GALNTL6: variants seen among roughly 807,000 people sequenced by gnomAD.
GALNTL6 encodes polypeptide N-acetylgalactosaminyltransferase-like 6.
GALNTL6 carries 46 observed loss-of-function variants against 73.7 expected under a neutral mutation model. The observed-to-expected ratio is 0.62, with a 90% CI of 0.49 to 0.80. The LOEUF (loss-of-function observed/expected upper bound fraction) is 0.80. Among genes scored for constraint, GALNTL6 ranks in the 30% least tolerant of loss-of-function variants. The probability of loss-of-function intolerance (pLI) is 0.00; values close to 1 mark genes in which losing one functional copy is unlikely to be tolerated. For missense variants in GALNTL6, 604 were observed against 755.0 expected (o/e 0.80, Z 2.34); for synonymous variants, 259 against 263.7 (o/e 0.98, Z 0.17).
chr4:172,255,664 C>T (rs945993506), intron 3 of GALNTL6, among the ~76,000 whole-genome samples: 3 of 151,442 alleles, frequency 2.0e-5, no homozygotes, highest in African/African-American at 2.4e-5. Context: ...ATAGTGACTA[C>T]GTTGAAAATA....
chr4:172,351,181 G>GTCTGTCTGTCTATCTATCTA (rs139731159), intron 5 of GALNTL6, among the ~76,000 whole-genome samples: 3 of 122,518 alleles, frequency 2.4e-5, no homozygotes, highest in Non-Finnish European at 3.5e-5. Flanking sequence ...ACAATAATCT[G>GTCTGTCTGTCTATCTATCTA]TCTATCTATC....
intron 2 of GALNTL6, among the ~76,000 whole-genome samples, chr4:171,949,042 G>A (rs1738788739): frequency 6.6e-6 from 1 of 151,942 alleles, no homozygotes; most frequent in Non-Finnish European, 1.5e-5. Context: ...TATTCAGAGT[G>A]CGTCCAAAAA....
chr4:172,056,603 C>G (rs1012750449), intron 2 of GALNTL6, among the ~76,000 whole-genome samples: 17 of 152,110 alleles, frequency 1.1e-4, no homozygotes, highest in Middle Eastern at 3.6e-3. Flanking sequence ...TCTTGTGAAA[C>G]TGCTAAAATT....
chr4:172,358,685 A>G (rs1307812623), intron 5 of GALNTL6, among the ~76,000 whole-genome samples: 1 of 152,170 alleles, frequency 6.6e-6, no homozygotes, highest in Non-Finnish European at 1.5e-5. Flanking sequence ...TTACCTTTTA[A>G]CCATGAATAA....
intron 2 of GALNTL6, among the ~76,000 whole-genome samples, chr4:172,036,891 C>G (rs540415844): frequency 6.6e-6 from 1 of 152,262 alleles, no homozygotes; most frequent in Non-Finnish European, 1.5e-5. Context: ...TCTGTCAGCA[C>G]TGAAAGTTAC....
At chr4:173,018,120 A>C (rs1752855923) in intron 11 of GALNTL6, among the ~76,000 whole-genome samples, 1 of 152,196 alleles carries the variant, frequency 6.6e-6, no homozygotes, top group Non-Finnish European at 1.5e-5. Context: ...AATCAAGACC[A>C]CTTGTTCCTG....
At chr4:172,369,370 T>C (rs1742696723) in intron 5 of GALNTL6, among the ~76,000 whole-genome samples, 1 of 152,174 alleles carries the variant, frequency 6.6e-6, no homozygotes, top group African/African-American at 2.4e-5. Flanking sequence ...TAGCTAGACA[T>C]AAAAGTTCTC....
chr4:172,101,742 C>G (rs1275041670), intron 2 of GALNTL6, among the ~76,000 whole-genome samples: 3 of 151,894 alleles, frequency 2.0e-5, no homozygotes, highest in African/African-American at 7.2e-5. Context: ...TTTATTTTAA[C>G]TTATTTTACT....
intron 7 of GALNTL6, among the ~76,000 whole-genome samples, chr4:172,845,944 G>C (rs1015540147): frequency 6.6e-6 from 1 of 152,128 alleles, no homozygotes; most frequent in African/African-American, 2.4e-5. Context: ...ATAAATATAA[G>C]TTCTATCCTA....
intron 2 of GALNTL6, among the ~76,000 whole-genome samples, chr4:172,132,697 G>C (rs527296362): frequency 6.6e-6 from 1 of 152,086 alleles, no homozygotes; most frequent in Non-Finnish European, 1.5e-5. Flanking sequence ...ATATTCTTTA[G>C]ATGAATCATA....
intron 5 of GALNTL6, chr4:172,668,395 A>G (rs1215248444): frequency 6.6e-6 from 1 of 152,208 alleles, no homozygotes; most frequent in Non-Finnish European, 1.5e-5. Flanking sequence ...AACACTGAGG[A>G]GAGAAGCCAC....
chr4:172,897,137 C>T (rs547841504), intron 8 of GALNTL6, among the ~76,000 whole-genome samples: 19 of 152,230 alleles, frequency 1.2e-4, no homozygotes, highest in Non-Finnish European at 2.4e-4. Flanking sequence ...GGGGTGAAAG[C>T]TGAGACTGAG....
intron 2 of GALNTL6, among the ~76,000 whole-genome samples, chr4:171,844,454 T>A (rs116726937): frequency 7.9e-5 from 12 of 152,194 alleles, no homozygotes; most frequent in Admixed American, 1.3e-4. Context: ...AATTTCTGTG[T>A]AGATTGTAAA....
chr4:172,057,367 A>T (rs893987226), intron 2 of GALNTL6, among the ~76,000 whole-genome samples: 1 of 151,740 alleles, frequency 6.6e-6, no homozygotes, highest in Non-Finnish European at 1.5e-5. Context: ...AATATTTAGA[A>T]GGCGAGACTA....
intron 2 of GALNTL6, among the ~76,000 whole-genome samples, chr4:172,132,675 T>G (rs1023800682): frequency 6.6e-6 from 1 of 152,206 alleles, no homozygotes; most frequent in Non-Finnish European, 1.5e-5. Context: ...GTGTTTTTAC[T>G]AGATATAAGC....
At chr4:171,867,819 C>CT (rs1034170927) in intron 2 of GALNTL6, among the ~76,000 whole-genome samples, 1 of 152,160 alleles carries the variant, frequency 6.6e-6, no homozygotes, top group African/African-American at 2.4e-5. Flanking sequence ...GCTTACCTCT[C>CT]TAACAGCTCA....
At chr4:172,356,954 A>G (rs1742182144) in intron 5 of GALNTL6, among the ~76,000 whole-genome samples, 1 of 152,164 alleles carries the variant, frequency 6.6e-6, no homozygotes, top group African/African-American at 2.4e-5. Flanking sequence ...CCACAATTAT[A>G]TAGACATTCT....
rs1740105054 is a variant in GALNTL6, at chr4:171,986,756, GAGA to G, written c.138+172041_138+172043del. On this transcript the variant is annotated intron_variant, in intron 2 of 12. Transcript: ENST00000506823. ...TGAATTGAAAAACTAAATGGAGTAA[GAGA>G]AGGAGAAAAACAGGTATAAAAGGTC... Among the ~76,000 whole-genome samples the G allele has an allele frequency of 2.0e-5, 3 of 152,144 alleles. No homozygotes were observed. In the South Asian group the frequency reaches 6.2e-4, roughly 31 times the overall value.
At chr4:172,392,736 G>T (rs538109244) in intron 5 of GALNTL6, among the ~76,000 whole-genome samples, 165 of 152,282 alleles carry the variant, frequency 1.1e-3, no homozygotes, top group African/African-American at 3.3e-3. Context: ...GCCAGGTTTT[G>T]TGGATTTGAA....
Sources: gnomAD v4.1 joint callset for allele counts (sites outside exome capture counted in the v4.1 genomes callset) on GRCh38, gnomAD v4.1.1 for gene constraint, MANE v1.5 for transcripts, NCBI Gene and HGNC (gene_info 2026-07-23, HGNC 2026-07-21) for gene names.